RBM22: variants seen among roughly 807,000 people sequenced by gnomAD.
RBM22 encodes pre-mRNA-splicing factor RBM22.
In RBM22, 1 loss-of-function variant was observed where a neutral mutation model predicts 50.1. The ratio of observed to expected loss-of-function variants is 0.02; its 90% CI spans 0.01 to 0.09. The LOEUF (loss-of-function observed/expected upper bound fraction) is 0.09. Ranked by LOEUF, RBM22 falls within the 10% of genes least tolerant of loss-of-function variation. The pLI is 1.00. For synonymous variants in RBM22, 152 were observed against 179.0 expected (o/e 0.85, Z 1.20); for missense variants, 264 against 529.3 (o/e 0.50, Z 4.92).
chr5:150,695,297 T>G (rs1759261340), intron 7 of RBM22: 1 of 560,600 alleles, frequency 1.8e-6, no homozygotes, highest in Admixed American at 3.3e-5. Context: ...ATTACAGGCA[T>G]GAGGCACTGT....
chr5:150,699,630 G>A (rs928659496), intron 2 of RBM22, among the ~76,000 whole-genome samples: 13 of 152,276 alleles, frequency 8.5e-5, no homozygotes, highest in African/African-American at 3.1e-4. Flanking sequence ...ACAGAAAAAA[G>A]AAATAGAGTA....
At position 150,691,905 on chromosome 5, in the gene RBM22, T is replaced by C. The variant is rs896243159; in HGVS notation, c.1133-24A>G. ...ACCTGCAGATACGAGAGAACAAATG[T>C]GTTAGGCTGGTAGTTTCCTTGATAA... is the stretch of plus-strand genomic sequence containing the variant. On this transcript the variant is annotated intron_variant, in intron 10 of 10. Transcript: ENST00000199814. 4.0e-6 allele frequency: 6 copies of C among 1,508,044 alleles called. No homozygotes were observed. The South Asian group carries it at 4.2e-5, about 10-fold the overall frequency. 93.4% of individuals were successfully genotyped at this position (1,508,044 alleles called of 1,614,324 possible).
chr5:150,700,706 G>GAGGGGGCAGGGATGGAA, intron 1 of RBM22: 1 of 1,532,212 alleles, frequency 6.5e-7, no homozygotes, highest in Non-Finnish European at 8.7e-7. Flanking sequence ...TAATAGGCTG[G>GAGGGGGCAGGGATGGAA]AGGGGGCAGG....
rs1759209694 is a variant in RBM22, at chr5:150,691,583, C to G, written c.*168G>C. 2 of 804,096 alleles carry G rather than the reference C, an allele frequency of 2.5e-6. No individual in the cohort carries two copies. Among genetic ancestry groups the G allele is most frequent in the Admixed American group, 6.2e-5 (2 of 32,320 alleles). The allele number at this position is 804,096 out of a possible 1,614,324, so 49.8% of individuals were successfully genotyped here. A position where few individuals can be genotyped will look rare whatever the true frequency, so the allele number is the denominator to read the frequency against. On this transcript the variant is annotated 3_prime_UTR_variant, in exon 11 of 11. Transcript: ENST00000199814. ...GCAGCTTATTTACGGTCCATCGATC[C>G]TTTGAACAAGTATAGGAAAGCATGG...
Position 150,696,998 on chromosome 5 carries a change from G to A in RBM22, c.272-107C>T, listed in dbSNP as rs1759284650. On this transcript the variant is annotated intron_variant, in intron 4 of 10. Transcript: ENST00000199814. The surrounding 1 kb of genome is among the most constrained non-coding windows in gnomAD (Gnocchi z 4.3). ...TTTCCCTTCTCCTCTTTCCTATTTA[G>A]TACCAGAGACTTTACTATGTTTTTA... 9.6e-7 allele frequency: 1 copy of A among 1,040,784 alleles called. No homozygotes were observed. The highest frequency in any genetic ancestry group is 1.4e-6 in the Non-Finnish European group (1 of 696,568). The allele number at this position is 1,040,784 out of a possible 1,614,324, so 64.5% of individuals were successfully genotyped here. A position where few individuals can be genotyped will look rare whatever the true frequency, so the allele number is the denominator to read the frequency against.
At chr5:150,700,625 T>A (rs765542961) in intron 1 of RBM22, 128 bp from the exon 2 acceptor site, 2 of 1,546,296 alleles carry the variant, frequency 1.3e-6, no homozygotes, top group Non-Finnish European at 1.7e-6. Context: ...CCGAAGTCCA[T>A]CACGACCCGA....
Position 150,693,189 on chromosome 5 carries a change from T to G in RBM22, c.1000+30A>C, listed in dbSNP as rs758553472. On this transcript the variant is annotated intron_variant, in intron 9 of 10. Coordinates refer to ENST00000199814, the MANE Select transcript of RBM22 (RefSeq NM_018047.3). ...ATAGGAACATCAGGGCAGAAAGAGC[T>G]TCTGAAGTCAGCAGGGAGTCTGCAC... 13 of 1,593,724 alleles carry G rather than the reference T, an allele frequency of 8.2e-6. No individual in the cohort carries two copies. In the South Asian group the frequency reaches 1.0e-4, roughly 12 times the overall value.
chr5:150,699,582 C>G (rs1298508200), intron 2 of RBM22, among the ~76,000 whole-genome samples: 1 of 152,190 alleles, frequency 6.6e-6, no homozygotes, highest in Non-Finnish European at 1.5e-5. Context: ...CCCAGGAGTT[C>G]CAGACTAGCC....
rs1179032977 is a variant in RBM22 at position 150,694,881 on chromosome 5, T to G, written c.746+625A>C. ...GCCAGTCTCTTTAAAAACCAACAAT[T>G]TAAACCACAAGAGTTTTATCATCGC... On this transcript the variant is annotated intron_variant, in intron 7 of 10. Transcript: ENST00000199814. 6.5e-5 allele frequency: 10 copies of G among 152,706 alleles called. No homozygotes were observed. In the East Asian group the frequency reaches 1.2e-3, roughly 18 times the overall value. The allele number at this position is 152,706 out of a possible 1,614,324, so 9.5% of individuals were successfully genotyped here.
Position 150,699,328 on chromosome 5 carries a change from G to A in RBM22, c.109-57C>T, listed in dbSNP as rs1474473609. ...AGTTACAGAAAGAAAAAAGCCAGAT[G>A]TCTACTCTTTCCTTAAACATAACCC... On this transcript the variant is annotated intron_variant, in intron 2 of 10. Coordinates refer to ENST00000199814, the MANE Select transcript of RBM22 (RefSeq NM_018047.3). 5 of 1,517,880 alleles carry A rather than the reference G, an allele frequency of 3.3e-6. No individual in the cohort carries two copies. In the African/African-American group the frequency reaches 7.1e-5, roughly 22 times the overall value. 94.0% of individuals were successfully genotyped at this position (1,517,880 alleles called of 1,614,324 possible). A position where few individuals can be genotyped will look rare whatever the true frequency, so the allele number is the denominator to read the frequency against.
chr5:150,700,332 G>C (rs1759329637), intron 2 of RBM22, 112 bp downstream of exon 2: 1 of 1,075,558 alleles, frequency 9.3e-7, no homozygotes, highest in Non-Finnish European at 1.4e-6. Context: ...AGCACTTCGC[G>C]TTAGTAAAAG....
rs1305357187 is a variant in RBM22, at chr5:150,696,366, C to G, written c.545+167G>C. 6.6e-6 allele frequency among the ~76,000 whole-genome samples: 1 copy of G among 152,180 alleles called. No homozygotes were observed. Among genetic ancestry groups the G allele is most frequent in the Non-Finnish European group, 1.5e-5 (1 of 68,032 alleles). On this transcript the variant is annotated intron_variant, in intron 6 of 10. Coordinates refer to ENST00000199814, the MANE Select transcript of RBM22 (RefSeq NM_018047.3). This position sits in a 1 kb window ranked among gnomAD's most constrained non-coding sequence, Gnocchi z 4.3. ...AAGGCTCAATTGTAAGTAAAAACTA[C>G]AATTTATTCATGCTCTTCTAAATTT...
chr5:150,694,386 C>T, intron 7 of RBM22, 146 bp from the exon 8 acceptor site: 4 of 1,295,312 alleles, frequency 3.1e-6, no homozygotes, highest in Non-Finnish European at 4.1e-6. Flanking sequence ...GTCTCCACCC[C>T]ATATCTTGTC....
At chr5:150,698,979 C>T (rs1008721982) in intron 3 of RBM22, among the ~76,000 whole-genome samples, 1 of 152,124 alleles carries the variant, frequency 6.6e-6, no homozygotes, top group African/African-American at 2.4e-5. Flanking sequence ...CTAAAATGCT[C>T]GAGTGGACAG....
At position 150,691,449 on chromosome 5, in the gene RBM22, ACT is replaced by A. The variant is rs1759207581; in HGVS notation, c.*300_*301del. ...AAATGAACATATAATTGGGAGGGTA[ACT>A]CTGCTGGACATTCCAATTCACTCAT... On this transcript the variant is annotated 3_prime_UTR_variant, in exon 11 of 11. Transcript: ENST00000199814. 1.3e-5 allele frequency: 3 copies of A among 228,194 alleles called. No homozygotes were observed. The highest frequency in any genetic ancestry group is 5.7e-5 in the Admixed American group (1 of 17,550). The allele number at this position is 228,194 out of a possible 1,614,324, so 14.1% of individuals were successfully genotyped here.
Position 150,692,993 on chromosome 5 carries a change from GCTT to G in RBM22, c.1031_1033del (p.Glu344del), listed in dbSNP as rs751985126. 43 of 1,612,324 alleles carry G rather than the reference GCTT, an allele frequency of 2.7e-5. No homozygotes were observed. Among genetic ancestry groups the G allele is most frequent in the Non-Finnish European group, 3.5e-5 (41 of 1,179,230 alleles). On this transcript the variant is annotated inframe_deletion, in exon 10 of 11. Coordinates refer to ENST00000199814, the MANE Select transcript of RBM22 (RefSeq NM_018047.3). The stretch of plus-strand genomic sequence containing the variant: ...GGGCAAGTTGAAGTAGTTGGCAGAG[GCTT>G]CTTCTTCTGCTGCAGGAGGAGGAGG...
At chr5:150,698,707 C>CAAAAA in intron 3 of RBM22, 76 bp from the exon 4 acceptor site, 1 of 1,530,162 alleles carries the variant, frequency 6.5e-7, no homozygotes, top group Non-Finnish European at 8.8e-7. Flanking sequence ...AACAACGGGG[C>CAAAAA]ATTCAAAAAA....
intron 9 of RBM22, 26 bp downstream of exon 9, chr5:150,693,193 G>A (rs1415949136): frequency 2.5e-6 from 4 of 1,597,266 alleles, no homozygotes; most frequent in Non-Finnish European, 3.4e-6. Context: ...AAGAGCTTCT[G>A]AAGTCAGCAG....
At chr5:150,693,126 G>A (rs1759230717) in intron 9 of RBM22, 93 bp downstream of exon 9, 1 of 1,545,324 alleles carries the variant, frequency 6.5e-7, no homozygotes, top group Non-Finnish European at 8.8e-7. Flanking sequence ...GGAGAGTAGA[G>A]CGGCAACATG....
Sources: allele counts gnomAD v4.1 joint callset (sites outside exome capture counted in the v4.1 genomes callset), GRCh38; gene constraint gnomAD v4.1.1; non-coding constraint Gnocchi (gnomAD v3.1); transcripts MANE v1.5; gene names NCBI Gene and HGNC (gene_info 2026-07-23, HGNC 2026-07-21).